The following LRCH3 variants were observed in gnomAD, a reference collection of about 807,000 sequenced individuals.
LRCH3 encodes the protein DISP complex protein LRCH3.
A neutral mutation model predicts 104.5 loss-of-function variants in LRCH3; 68 were observed. That is an observed-to-expected ratio of 0.65 (90% CI 0.54 to 0.80). The LOEUF is 0.80. LRCH3 is among the 30% of genes least tolerant of loss of function. LRCH3 has a pLI of 0.00. For synonymous variants in LRCH3, 344 were observed against 361.3 expected (o/e 0.95, Z 0.54); for missense variants, 951 against 953.9 (o/e 1.00, Z 0.04).
rs1367762428 is a variant in LRCH3, at chr3:197,856,959, T to C, written c.1645-1875T>C. Among the ~76,000 whole-genome samples the C allele has an allele frequency of 6.6e-6, 1 of 152,246 alleles. No individual in the cohort carries two copies. The highest frequency in any genetic ancestry group is 1.5e-5 in the Non-Finnish European group (1 of 68,050). On this transcript the variant is annotated intron_variant, in intron 14 of 20. Transcript: ENST00000425562. This position sits in a 1 kb window ranked among gnomAD's most constrained non-coding sequence, Gnocchi z 4.2. ...ATTTAAAGACCTTGAAACTTACGAT[T>C]TGAAATGAAGATTTATAACAGCTAA...
At chr3:197,791,647 G>T (rs888600214) in intron 1 of LRCH3, 107 bp downstream of exon 1, 13 of 1,283,722 alleles carry the variant, frequency 1.0e-5, no homozygotes, top group African/African-American at 1.6e-5. Context: ...TCCCGTAGGC[G>T]CCGGGTCCGG....
At chr3:197,850,552 G>A (rs535601402) in intron 12 of LRCH3, 148 of 1,587,602 alleles carry the variant, frequency 9.3e-5, no homozygotes, top group African/African-American at 7.0e-4. Flanking sequence ...GGGTTAATCC[G>A]ACCATGAGCT....
At chr3:197,801,772 A>C (rs1427772990) in intron 1 of LRCH3, among the ~76,000 whole-genome samples, 1 of 152,186 alleles carries the variant, frequency 6.6e-6, no homozygotes, top group African/African-American at 2.4e-5. Flanking sequence ...AATAGCATCC[A>C]TTTACTATAG....
intron 15 of LRCH3, among the ~76,000 whole-genome samples, chr3:197,864,723 T>G (rs1222587974): frequency 6.7e-6 from 1 of 149,036 alleles, no homozygotes; most frequent in Non-Finnish European, 1.5e-5. Flanking sequence ...TTTTTTTTTT[T>G]TTTCCAAAGG....
intron 4 of LRCH3, chr3:197,823,103 G>A (rs1182250158): frequency 6.0e-5 from 1 of 16,654 alleles, no homozygotes; most frequent in African/African-American, 1.0e-4. Context: ...GATTACAGGT[G>A]CCCGCCACCA....
At chr3:197,791,609 G>T in intron 1 of LRCH3, 69 bp downstream of exon 1, 1 of 1,458,392 alleles carries the variant, frequency 6.9e-7, no homozygotes, top group African/African-American at 1.5e-5. Context: ...GCCGGGGGAG[G>T]CGGATGCGGG....
chr3:197,807,365 C>T (rs532697148), intron 1 of LRCH3, among the ~76,000 whole-genome samples: 5 of 151,892 alleles, frequency 3.3e-5, no homozygotes, highest in African/African-American at 1.2e-4. Context: ...TACAGGCGCC[C>T]GCCACCACGC....
intron 15 of LRCH3, among the ~76,000 whole-genome samples, chr3:197,865,112 CCCT>C (rs1741335486): frequency 6.6e-6 from 1 of 152,164 alleles, no homozygotes; most frequent in Non-Finnish European, 1.5e-5. Context: ...AAGCAACCCT[CCCT>C]CCTCAGCCTC....
intron 20 of LRCH3, chr3:197,876,213 C>A (rs1475351620): frequency 6.6e-6 from 1 of 152,604 alleles, no homozygotes; most frequent in Admixed American, 6.5e-5. Flanking sequence ...CAGTCAATTT[C>A]TTCTAATGTT....
At chr3:197,824,258 T>G (rs1428115025) in intron 4 of LRCH3, among the ~76,000 whole-genome samples, 5 of 151,740 alleles carry the variant, frequency 3.3e-5, no homozygotes, top group African/African-American at 1.2e-4. Context: ...AGAGATGGGG[T>G]TTCACCATGT....
At chr3:197,852,283 G>GA in intron 12 of LRCH3, 1 of 324,186 alleles carries the variant, frequency 3.1e-6, no homozygotes, top group South Asian at 5.0e-5. Flanking sequence ...TCTAGCTAAG[G>GA]TTATTAGCAT....
chr3:197,843,851 A>G (rs1580768339), intron 10 of LRCH3, among the ~76,000 whole-genome samples: 1 of 152,306 alleles, frequency 6.6e-6, no homozygotes, highest in East Asian at 1.9e-4. Context: ...TTCAAGCAAT[A>G]TTTCTTAAGC....
At chr3:197,826,481 G>A (rs899136426) in intron 4 of LRCH3, among the ~76,000 whole-genome samples, 1 of 152,172 alleles carries the variant, frequency 6.6e-6, no homozygotes, top group African/African-American at 2.4e-5. Context: ...AAAATAACTT[G>A]CTGATTCCTG....
chr3:197,867,003 G>A (rs1008890523), intron 17 of LRCH3, among the ~76,000 whole-genome samples: 14 of 152,150 alleles, frequency 9.2e-5, no homozygotes, highest in African/African-American at 2.4e-4. Flanking sequence ...GGCTGGGCAC[G>A]GTGGCTCACA....
At chr3:197,875,303 T>G (rs558120037) in intron 19 of LRCH3, among the ~76,000 whole-genome samples, 1 of 152,312 alleles carries the variant, frequency 6.6e-6, no homozygotes, top group Middle Eastern at 3.4e-3. Flanking sequence ...GCTGACCCCC[T>G]AGTCTACAGC....
intron 15 of LRCH3, among the ~76,000 whole-genome samples, chr3:197,862,424 A>G (rs1278642062): frequency 6.6e-6 from 1 of 151,968 alleles, no homozygotes; most frequent in African/African-American, 2.4e-5. Flanking sequence ...TTTCTAGTCT[A>G]TGTCCTGTTA....
chr3:197,869,677 G>C (rs9861446), intron 17 of LRCH3, among the ~76,000 whole-genome samples: 3,251 of 87,134 alleles, frequency 0.037, 104 homozygotes, highest in African/African-American at 0.11. Flanking sequence ...AAGCCATGCA[G>C]TGTACCTGCA....
intron 10 of LRCH3, among the ~76,000 whole-genome samples, chr3:197,844,236 A>G (rs1187799581): frequency 1.3e-5 from 2 of 152,204 alleles, no homozygotes; most frequent in Non-Finnish European, 2.9e-5. Flanking sequence ...TCAGGTACCT[A>G]CAAGACATCC....
chr3:197,871,484 G>A (rs763028744), intron 19 of LRCH3, 22 bp downstream of exon 19: 1 of 1,609,594 alleles, frequency 6.2e-7, no homozygotes, highest in South Asian at 1.1e-5. Context: ...ATCCTAAAAA[G>A]CCTTGGCTAT....
Sources: gnomAD v4.1 joint callset for allele counts (sites outside exome capture counted in the v4.1 genomes callset) on GRCh38, gnomAD v4.1.1 for gene constraint, Gnocchi (gnomAD v3.1) non-coding constraint, MANE v1.5 for transcripts, NCBI Gene and HGNC (gene_info 2026-07-23, HGNC 2026-07-21) for gene names.